The following ELP2 variants were observed in gnomAD, a reference collection of about 807,000 sequenced individuals.
ELP2 encodes elongator acetyltransferase complex subunit 2.
Under a neutral mutation model 119.2 loss-of-function variants are expected in ELP2, and 90 were observed. The ratio of observed to expected loss-of-function variants is 0.75; its 90% CI spans 0.64 to 0.90. The LOEUF is 0.90. Among genes scored for constraint, ELP2 ranks in the 40% least tolerant of loss-of-function variants. ELP2 has a pLI of 0.00. For missense variants in ELP2, 921 were observed against 967.8 expected (o/e 0.95, Z 0.64); for synonymous variants, 339 against 331.0 (o/e 1.02, Z -0.26).
intron 20 of ELP2, among the ~76,000 whole-genome samples, chr18:36,170,477 C>A (rs1405284580): frequency 1.3e-5 from 2 of 151,728 alleles, no homozygotes; most frequent in Non-Finnish European, 2.9e-5. Context: ...ACGCCTGGCT[C>A]CTTTTTTTAT....
chr18:36,174,799 C>G lies in ELP2; in HGVS notation c.*158C>G. The G allele has an allele frequency of 1.5e-6, 1 of 667,890 alleles. No individual in the cohort carries two copies. The highest frequency in any genetic ancestry group is 1.9e-5 in the South Asian group (1 of 53,450). 41.4% of individuals were successfully genotyped at this position (667,890 alleles called of 1,614,324 possible). ...ACAACCTCCACCTCCCAGGTTCAAG[C>G]GATTCTCTTTCTTCAGCCTCCTGAG... On this transcript the variant is annotated 3_prime_UTR_variant, in exon 22 of 22. Transcript: ENST00000358232.
At chr18:36,159,114 CTTT>C (rs5823998) in intron 14 of ELP2, among the ~76,000 whole-genome samples, 14 of 138,516 alleles carry the variant, frequency 1.0e-4, no homozygotes, top group Non-Finnish European at 1.3e-4. Flanking sequence ...TGTTTTTTCC[CTTT>C]TTTTTTTTTT....
chr18:36,157,060 T>C (rs2090597550), intron 13 of ELP2, among the ~76,000 whole-genome samples: 1 of 152,208 alleles, frequency 6.6e-6, no homozygotes, highest in South Asian at 2.1e-4. Context: ...AGTTAATTGC[T>C]AAATCTTATG....
In ELP2 at chr18:36,174,466, T is replaced by C; in HGVS notation, c.2325-19T>C. 3 of 1,611,664 alleles carry C rather than the reference T, an allele frequency of 1.9e-6. No individual in the cohort carries two copies. Among genetic ancestry groups the C allele is most frequent in the Non-Finnish European group, 2.5e-6 (3 of 1,178,320 alleles). ...ATTAATTGGAAAAACATTTCATGAT[T>C]TCTCTATCTTTGTTTTAGCCAAAGT... On this transcript the variant is annotated intron_variant, in intron 21 of 21. Transcript: ENST00000358232.
chr18:36,143,387 G>T (rs974920666), intron 8 of ELP2, among the ~76,000 whole-genome samples: 7 of 149,604 alleles, frequency 4.7e-5, no homozygotes, highest in Non-Finnish European at 1.0e-4. Flanking sequence ...CTCCCAAAGT[G>T]CTGGGATTAC....
chr18:36,173,920 AGGGAGC>A (rs1283729760), intron 21 of ELP2, among the ~76,000 whole-genome samples: 2 of 152,200 alleles, frequency 1.3e-5, no homozygotes, highest in African/African-American at 4.8e-5. Flanking sequence ...GGTAGGGGGT[AGGGAGC>A]ATTAATACGA....
intron 11 of ELP2, among the ~76,000 whole-genome samples, chr18:36,152,505 A>G (rs1312225446): frequency 6.6e-6 from 1 of 152,226 alleles, no homozygotes; most frequent in Non-Finnish European, 1.5e-5. Context: ...AGGCATATTC[A>G]GCAGGTGAAT....
chr18:36,157,950 A>G (rs578096399), intron 13 of ELP2, among the ~76,000 whole-genome samples: 53 of 152,268 alleles, frequency 3.5e-4, no homozygotes, highest in Non-Finnish European at 6.9e-4. Flanking sequence ...CCAGTTGTAC[A>G]CTTAGTTCTG....
chr18:36,136,355 A>T lies in ELP2; in HGVS notation c.266A>T (p.His89Leu). ...VSGGSDNQVI[H>L]WEIEDNQLLK... ...GGAGGATCTGATAATCAAGTGATTC[A>T]CTGGGAAATAGAGGATAATCAGGTG... Residue 89 changes from histidine to leucine, a missense_variant, in exon 3 of 22, where the codon CAC becomes CTC. By Grantham distance (99) the His-to-Leu change is moderately conservative. Transcript: ENST00000358232. 6.2e-7 allele frequency: 1 copy of T among 1,612,106 alleles called. No individual in the cohort carries two copies. The highest frequency in any genetic ancestry group is 8.5e-7 in the Non-Finnish European group (1 of 1,178,136).
At chr18:36,140,838 G>A (rs1181307119) in intron 5 of ELP2, among the ~76,000 whole-genome samples, 2 of 152,186 alleles carry the variant, frequency 1.3e-5, no homozygotes, top group Non-Finnish European at 2.9e-5. Flanking sequence ...TGGTGAAAAT[G>A]CTCTCTAGTT....
At chr18:36,131,235 A>G (rs1355795779) in intron 1 of ELP2, among the ~76,000 whole-genome samples, 1 of 152,216 alleles carries the variant, frequency 6.6e-6, no homozygotes, top group African/African-American at 2.4e-5. Flanking sequence ...ATTTGTAACC[A>G]CATTACCCCA....
rs1044084775 is a variant in ELP2, at chr18:36,166,969, C to T, written c.1955-132C>T. ...GAGGGGTTGGTTGCCTGGCTTCAGTCTATTTCAAAAGTCAGTGCATATAAA... is the reference window on the plus strand; with the variant it reads ...GAGGGGTTGGTTGCCTGGCTTCAGTTTATTTCAAAAGTCAGTGCATATAAA... On this transcript the variant is annotated intron_variant, in intron 18 of 21. Transcript: ENST00000358232. The T allele has an allele frequency of 1.7e-5, 16 of 947,272 alleles. No homozygotes were observed. In the African/African-American group the frequency reaches 2.4e-4, roughly 14 times the overall value. 58.7% of individuals were successfully genotyped at this position (947,272 alleles called of 1,614,324 possible). A position where few individuals can be genotyped will look rare whatever the true frequency, so the allele number is the denominator to read the frequency against.
At chr18:36,166,982 C>A in intron 18 of ELP2, 119 bp from the exon 19 acceptor site, 1 of 1,061,436 alleles carries the variant, frequency 9.4e-7, no homozygotes, top group Admixed American at 2.7e-5. Context: ...TTTCAAAAGT[C>A]AGTGCATATA....
chr18:36,158,770 T>C (rs907493087), intron 13 of ELP2, 65 bp from the exon 14 acceptor site: 1 of 1,188,180 alleles, frequency 8.4e-7, no homozygotes, highest in African/African-American at 1.5e-5. Flanking sequence ...CAGTAACTTT[T>C]AGTTTTAAAA....
intron 13 of ELP2, 50 bp downstream of exon 13, chr18:36,156,704 A>C: frequency 6.5e-7 from 1 of 1,538,982 alleles, no homozygotes; most frequent in South Asian, 1.1e-5. Flanking sequence ...TTCATTTTAA[A>C]TTTAAAAGGA....
chr18:36,132,843 A>ATTTTTTTTT, intron 1 of ELP2, among the ~76,000 whole-genome samples: 1 of 151,790 alleles, frequency 6.6e-6, no homozygotes, highest in Non-Finnish European at 1.5e-5. Flanking sequence ...TTGGTCAGAG[A>ATTTTTTTTT]AACCCTCAGA....
At chr18:36,132,698 T>C (rs1224295342) in intron 1 of ELP2, among the ~76,000 whole-genome samples, 1 of 152,146 alleles carries the variant, frequency 6.6e-6, no homozygotes, top group Non-Finnish European at 1.5e-5. Context: ...AGGACCTTAG[T>C]AGTTGTGGCC....
intron 21 of ELP2, among the ~76,000 whole-genome samples, chr18:36,173,955 C>T (rs1401246946): frequency 2.6e-5 from 4 of 152,138 alleles, no homozygotes; most frequent in Non-Finnish European, 5.9e-5. Flanking sequence ...CCCAAGGTCA[C>T]GCAGTTAGAG....
In ELP2 at chr18:36,179,868, G is replaced by C. The variant is rs1220484398; in HGVS notation, c.*5227G>C. 1 of 152,166 alleles carries C rather than the reference G, an allele frequency of 6.6e-6. No individual in the cohort carries two copies. The highest frequency in any genetic ancestry group is 1.5e-5 in the Non-Finnish European group (1 of 68,032). 9.4% of individuals were successfully genotyped at this position (152,166 alleles called of 1,614,324 possible). On this transcript the variant is annotated 3_prime_UTR_variant, in exon 22 of 22. Transcript: ENST00000358232. The stretch of plus-strand genomic sequence containing the variant: ...GAGGGTTGGAACCCCAATGAGTTGG[G>C]CAACAGAAACCCAGCTCACACTGGC...
Sources: gnomAD v4.1 joint callset for allele counts (sites outside exome capture counted in the v4.1 genomes callset) on GRCh38, gnomAD v4.1.1 for gene constraint, MANE v1.5 for transcripts, NCBI Gene and HGNC (gene_info 2026-07-23, HGNC 2026-07-21) for gene names.